Variants in TFAP2A observed in about 807,000 individuals in gnomAD.
TFAP2A encodes transcription factor AP-2 alpha.
In TFAP2A, 7 loss-of-function variants were observed where a neutral mutation model predicts 41.5. The ratio of observed to expected loss-of-function variants is 0.17; its 90% confidence interval spans 0.10 to 0.32. The LOEUF (loss-of-function observed/expected upper bound fraction) is 0.32, where lower values mean the gene tolerates loss of function less well. Among genes scored for constraint, TFAP2A ranks in the 10% least tolerant of loss-of-function variants. TFAP2A has a pLI of 1.00. For missense variants in TFAP2A, 416 were observed against 563.3 expected, an observed-to-expected ratio of 0.74 and a Z score of 2.65; for synonymous variants, 247 against 242.8, an observed-to-expected ratio of 1.02 and a Z score of -0.16.
intron 6 of TFAP2A, 48 bp downstream of exon 6, chr6:10,400,398 CTT>C (rs765890258): frequency 6.2e-7 from 1 of 1,613,594 alleles, no homozygotes; most frequent in Non-Finnish European, 8.5e-7. Flanking sequence ...TTTTGTTTCT[CTT>C]TCTCTTGACA....
chr6:10,404,706 G>A lies in TFAP2A; in HGVS notation c.572C>T (p.Ala191Val). 1 of 1,614,194 alleles carries A rather than the reference G, an allele frequency of 6.2e-7. No individual in the cohort carries two copies. The highest frequency in any genetic ancestry group is 1.1e-5 in the South Asian group (1 of 91,090). Residue 191 changes from alanine (A) to valine (V), a missense_variant, in exon 4 of 7, where the codon GCC becomes GTC. By Grantham distance (64) the Ala-to-Val change is moderately conservative. This residue lies in a region of TFAP2A where 241 missense variants were observed against 274.1 expected (regional missense o/e 0.88). Coordinates refer to ENST00000379613, the MANE Select transcript of TFAP2A (RefSeq NM_001372066.1). ...PVSLSKSNSN[A>V]VSAIPINKDN... ...CTTGTTAATAGGGATGGCGGAGACGGCATTGCTGTTGGACTTGGACAGGGA... is the reference window on the plus strand; with the variant it reads ...CTTGTTAATAGGGATGGCGGAGACGACATTGCTGTTGGACTTGGACAGGGA...
At chr6:10,399,974 G>T (rs1761947425) in intron 6 of TFAP2A, among the ~76,000 whole-genome samples, 1 of 151,766 alleles carries the variant, frequency 6.6e-6, no homozygotes. Context: ...GTGAAAGGAA[G>T]GTAAGAAATG....
intron 1 of TFAP2A, chr6:10,412,258 C>T (rs1394894758): frequency 5.1e-6 from 5 of 986,650 alleles, no homozygotes; most frequent in Non-Finnish European, 6.0e-6. Flanking sequence ...TCTGGCGAAT[C>T]ACAGGGAAGG....
intron 1 of TFAP2A, chr6:10,414,464 A>AGAAAGAAT (rs1554113259): frequency 6.4e-5 from 17 of 266,978 alleles, no homozygotes; most frequent in East Asian, 5.9e-4. Flanking sequence ...GGGGGAAGAA[A>AGAAAGAAT]GAATGAATGA....
At chr6:10,408,639 C>T (rs1342365781) in intron 2 of TFAP2A, among the ~76,000 whole-genome samples, 1 of 152,202 alleles carries the variant, frequency 6.6e-6, no homozygotes, top group Non-Finnish European at 1.5e-5. Flanking sequence ...CATATACAGA[C>T]ATACAGTGCT....
At chr6:10,412,241 C>G (rs1270913269) in intron 1 of TFAP2A, 17 of 986,170 alleles carry the variant, frequency 1.7e-5, no homozygotes, top group Non-Finnish European at 2.0e-5. Context: ...GGGGCCGCGG[C>G]GCGGCGTCTG....
At chr6:10,406,764 T>C in intron 3 of TFAP2A, 29 bp downstream of exon 3, 1 of 1,590,626 alleles carries the variant, frequency 6.3e-7, no homozygotes, top group Non-Finnish European at 8.6e-7. Flanking sequence ...TGTAAGGACA[T>C]GCTTGGAATG....
chr6:10,416,286 G>GC (rs1179185610), upstream of TFAP2A: 1 of 152,216 alleles, frequency 6.6e-6, no homozygotes, highest in African/African-American at 2.4e-5. Flanking sequence ...GCGAGGCAGA[G>GC]CCCGGCTGCC....
upstream of TFAP2A, chr6:10,419,319 C>G: frequency 6.9e-7 from 1 of 1,440,298 alleles, no homozygotes; most frequent in Non-Finnish European, 9.7e-7. Flanking sequence ...GACTCCCCTG[C>G]CCTGGGCCAC....
chr6:10,405,623 T>C (rs990607093), intron 3 of TFAP2A: 1 of 152,180 alleles, frequency 6.6e-6, no homozygotes, highest in Non-Finnish European at 1.5e-5. Context: ...AGTATACTAA[T>C]GCATTACGTT....
At chr6:10,412,167 G>A (rs767807606) in intron 1 of TFAP2A, 48 of 988,570 alleles carry the variant, frequency 4.9e-5, no homozygotes, top group Admixed American at 6.0e-5. Flanking sequence ...GTAGCAAATC[G>A]GAGTGGGGAG....
At chr6:10,400,407 G>T in intron 6 of TFAP2A, 41 bp downstream of exon 6, 1 of 1,613,952 alleles carries the variant, frequency 6.2e-7, no homozygotes, top group South Asian at 1.1e-5. Flanking sequence ...TCTTTCTCTT[G>T]ACAACGAGAC....
chr6:10,419,558 C>T, upstream of TFAP2A: 1 of 1,397,382 alleles, frequency 7.2e-7, no homozygotes, highest in Non-Finnish European at 1.0e-6. Context: ...TTTACCTGCT[C>T]ACCAACATCT....
rs374147114 is a variant in TFAP2A, at chr6:10,412,134, A to G, written c.52-1799T>C. 441 of 994,496 alleles carry G rather than the reference A, an allele frequency of 4.4e-4. 4 individuals are homozygous for G. The East Asian group carries it at 5.7e-3, about 13-fold the overall frequency. 61.6% of individuals were successfully genotyped at this position (994,496 alleles called of 1,614,324 possible). A position where few individuals can be genotyped will look rare whatever the true frequency, so the allele number is the denominator to read the frequency against. ...TCGCGCCGGAGCCGGCTCTCAATGC[A>G]GTCCATTGACGGGAGTCTCAGTGTA... On this transcript the variant is annotated intron_variant, in intron 1 of 6. Coordinates refer to ENST00000379613, the MANE Select transcript of TFAP2A (RefSeq NM_001372066.1).
At position 10,408,738 on chromosome 6, in the gene TFAP2A, T is replaced by G. The variant is rs186758160; in HGVS notation, c.486+1163A>C. On this transcript the variant is annotated intron_variant, in intron 2 of 6. Coordinates refer to ENST00000379613, the MANE Select transcript of TFAP2A (RefSeq NM_001372066.1). ...TAACCAACAAATTTCAGTGACTAAC[T>G]GGGCCAAATGAGAGATGTAATAAAT... is the stretch of plus-strand genomic sequence containing the variant. Among the ~76,000 whole-genome samples the G allele has an allele frequency of 7.9e-5, 12 of 152,358 alleles. No homozygotes were observed. In the East Asian group the frequency reaches 2.1e-3, roughly 27 times the overall value.
intron 2 of TFAP2A, 55 bp downstream of exon 2, chr6:10,409,846 G>A (rs1313925988): frequency 2.4e-5 from 37 of 1,535,020 alleles, no homozygotes; most frequent in Middle Eastern, 1.7e-4. Context: ...ATCCTTTCTG[G>A]GGTAGGTAAG....
At chr6:10,400,845 C>G in intron 5 of TFAP2A, 1 of 656,508 alleles carries the variant, frequency 1.5e-6, no homozygotes, top group Non-Finnish European at 2.8e-6. Flanking sequence ...ACCTCCAGTC[C>G]CATCCCCCAC....
At position 10,411,302 on chromosome 6, in the gene TFAP2A, G is replaced by A. The variant is rs377215259; in HGVS notation, c.52-967C>T. On this transcript the variant is annotated intron_variant, in intron 1 of 6. Transcript: ENST00000379613. ...GACTCAAGGAAATCAAGATGAACGT[G>A]GGGAGAAACACGCCTTGGGAAGCCG... 2.6e-5 allele frequency among the ~76,000 whole-genome samples: 4 copies of A among 152,250 alleles called. No individual in the cohort carries two copies. In the East Asian group the frequency reaches 7.7e-4, roughly 29 times the overall value.
chr6:10,397,640 G>C lies in TFAP2A; in HGVS notation c.*777C>G, dbSNP rs1001269086. ...AAGATTCAAAACCCACTAAACAAGA[G>C]GTAAACAAGATCAGATAAATAAAAA... On this transcript the variant is annotated 3_prime_UTR_variant, in exon 7 of 7. Coordinates refer to ENST00000379613, the MANE Select transcript of TFAP2A (RefSeq NM_001372066.1). The C allele has an allele frequency of 1.3e-5, 2 of 155,656 alleles. No homozygotes were observed. Among genetic ancestry groups the C allele is most frequent in the Non-Finnish European group, 2.6e-5 (2 of 75,980 alleles). 9.6% of individuals were successfully genotyped at this position (155,656 alleles called of 1,614,324 possible).
Sources: allele counts gnomAD v4.1 joint callset (sites outside exome capture counted in the v4.1 genomes callset), GRCh38; gene constraint gnomAD v4.1.1; regional missense constraint gnomAD v4.1.1; transcripts MANE v1.5; gene names NCBI Gene and HGNC (gene_info 2026-07-23, HGNC 2026-07-21).